Variants in LAMA3 observed in about 807,000 individuals in gnomAD.
LAMA3 encodes laminin subunit alpha-3.
A neutral mutation model predicts 402.0 loss-of-function variants in LAMA3; 281 were observed. The ratio of observed to expected loss-of-function variants is 0.70; its 90% CI spans 0.63 to 0.77. The LOEUF (loss-of-function observed/expected upper bound fraction) is 0.77, where lower values mean the gene tolerates loss of function less well. LAMA3 is among the 30% of genes least tolerant of loss of function. LAMA3 has a pLI of 0.00. For synonymous variants in LAMA3, 1,431 were observed against 1,558.4 expected, an observed-to-expected ratio of 0.92 and a Z score of 1.93; for missense variants, 3,840 against 4,215.5, an observed-to-expected ratio of 0.91 and a Z score of 2.47.
At chr18:23,811,669 A>G in intron 13 of LAMA3, among the ~76,000 whole-genome samples, 1 of 152,002 alleles carries the variant, frequency 6.6e-6, no homozygotes, top group Non-Finnish European at 1.5e-5. Context: ...TGGAAAACAA[A>G]CAGCTGGAAA....
At chr18:23,872,051 C>T (rs997940629) in intron 38 of LAMA3, among the ~76,000 whole-genome samples, 1 of 152,202 alleles carries the variant, frequency 6.6e-6, no homozygotes, top group African/African-American at 2.4e-5. Flanking sequence ...TGTGTCACAA[C>T]ATCACTATGG....
chr18:23,834,063 C>A, intron 24 of LAMA3, 75 bp downstream of exon 24: 3 of 1,533,084 alleles, frequency 2.0e-6, no homozygotes, highest in Middle Eastern at 1.7e-4. Flanking sequence ...TTGGCTGTTA[C>A]TTGCATTGGG....
At chr18:23,786,117 A>G (rs928109086) in intron 12 of LAMA3, among the ~76,000 whole-genome samples, 2 of 152,234 alleles carry the variant, frequency 1.3e-5, no homozygotes, top group African/African-American at 2.4e-5. Flanking sequence ...TCATAAGAGC[A>G]TATAGCAAAT....
chr18:23,731,487 T>C (rs149698863), intron 2 of LAMA3, among the ~76,000 whole-genome samples: 6 of 152,340 alleles, frequency 3.9e-5, no homozygotes, highest in African/African-American at 1.2e-4. Context: ...TTGTGGCAGA[T>C]AGACCTGCAC....
At chr18:23,866,808 T>A (rs1199144563) in intron 36 of LAMA3, among the ~76,000 whole-genome samples, 1 of 152,242 alleles carries the variant, frequency 6.6e-6, no homozygotes, top group African/African-American at 2.4e-5. Flanking sequence ...AGGGCATGTT[T>A]CTTAGATTAA....
At chr18:23,857,641 C>G (rs1272133736) in intron 32 of LAMA3, among the ~76,000 whole-genome samples, 2 of 152,248 alleles carry the variant, frequency 1.3e-5, no homozygotes, top group Non-Finnish European at 2.9e-5. Context: ...TCATCCATGA[C>G]CATCCACAAT....
intron 68 of LAMA3, among the ~76,000 whole-genome samples, chr18:23,939,671 CA>C (rs962496633): frequency 3.2e-4 from 49 of 152,160 alleles, no homozygotes; most frequent in African/African-American, 1.2e-3. Context: ...ATAAGGATGA[CA>C]TTTTTTTTCT....
At chr18:23,725,391 A>C (rs532683511) in intron 2 of LAMA3, among the ~76,000 whole-genome samples, 97 of 152,300 alleles carry the variant, frequency 6.4e-4, no homozygotes, top group Non-Finnish European at 9.4e-4. Flanking sequence ...GATTACAGGC[A>C]TGAGCCACCG....
intron 18 of LAMA3, 88 bp downstream of exon 18, chr18:23,816,575 A>G (rs371824161): frequency 4.6e-6 from 5 of 1,084,774 alleles, no homozygotes; most frequent in East Asian, 5.0e-5. Flanking sequence ...TGGAGAAGAG[A>G]GAAGCAGCCC....
chr18:23,751,046 C>G lies in LAMA3; in HGVS notation c.813C>G (p.His271Gln), dbSNP rs774726277. The G allele has an allele frequency of 3.1e-6, 5 of 1,614,116 alleles. No individual in the cohort carries two copies. In the African/African-American group the frequency reaches 5.3e-5, roughly 17 times the overall value. The change falls in exon 5 of 75, where the codon CAC becomes CAG. Residue 271 changes from histidine to glutamine, a missense_variant. By Grantham distance (24) the His-to-Gln change is conservative. This residue lies in a region of LAMA3 where 2,109 missense variants were observed against 2,376.0 expected (regional missense o/e 0.89). Coordinates refer to ENST00000313654, the MANE Select transcript of LAMA3 (RefSeq NM_198129.4). ...TTAGAACCAATACGCTTCTTGGACACCTCATCTCCAAAGCCCAGCGAGATC... is the reference window on the plus strand; with the variant it reads ...TTAGAACCAATACGCTTCTTGGACAGCTCATCTCCAAAGCCCAGCGAGATC... The part of the protein sequence containing the change: ...RFLRTNTLLG[H>Q]LISKAQRDPT...
At chr18:23,832,599 CTT>C (rs947584988) in intron 23 of LAMA3, among the ~76,000 whole-genome samples, 7 of 152,142 alleles carry the variant, frequency 4.6e-5, no homozygotes, top group African/African-American at 1.7e-4. Context: ...TGTGTACACA[CTT>C]TGACCCAGCA....
chr18:23,779,036 A>G (rs1165858263), intron 11 of LAMA3, among the ~76,000 whole-genome samples: 4 of 152,130 alleles, frequency 2.6e-5, no homozygotes, highest in African/African-American at 7.2e-5. Context: ...TCCCTGGGGC[A>G]GGGGCAGCCC....
At chr18:23,872,317 A>C (rs1197364146) in intron 38 of LAMA3, among the ~76,000 whole-genome samples, 1 of 152,212 alleles carries the variant, frequency 6.6e-6, no homozygotes, top group Non-Finnish European at 1.5e-5. Context: ...TTTGAGGTCC[A>C]GTCAACCAGA....
chr18:23,762,016 A>T (rs1022280421), intron 7 of LAMA3, among the ~76,000 whole-genome samples: 3 of 152,154 alleles, frequency 2.0e-5, no homozygotes, highest in Non-Finnish European at 4.4e-5. Flanking sequence ...CAGTAGTTGG[A>T]GATCAGCCTG....
rs1465267032 is a variant in LAMA3, at chr18:23,858,789, T to G, written c.4382T>G (p.Val1461Gly). ...TGTACCAGCTGTTTCTGTTTTGGAG[T>G]AAATAATCAATGTCACAGCTCACAT... ...KGCTSCFCFG[V>G]NNQCHSSHKR... Residue 1461 changes from valine to glycine, a missense_variant, in exon 34 of 75, where the codon GTA becomes GGA. Val to Gly is a moderately radical substitution (Grantham distance 109). This residue lies in a region of LAMA3 where 2,109 missense variants were observed against 2,376.0 expected (regional missense o/e 0.89). Coordinates refer to ENST00000313654, the MANE Select transcript of LAMA3 (RefSeq NM_198129.4). 1 of 1,613,978 alleles carries G rather than the reference T, an allele frequency of 6.2e-7. No homozygotes were observed. Among genetic ancestry groups the G allele is most frequent in the Non-Finnish European group, 8.5e-7 (1 of 1,179,984 alleles).
At chr18:23,696,388 T>C (rs867902798) in intron 1 of LAMA3, among the ~76,000 whole-genome samples, 28 of 152,250 alleles carry the variant, frequency 1.8e-4, no homozygotes, top group Admixed American at 7.2e-4. Context: ...TATTGAGTTC[T>C]CTTTCTTTTA....
chr18:23,695,921 G>A (rs1438684667), intron 1 of LAMA3, among the ~76,000 whole-genome samples: 4 of 150,730 alleles, frequency 2.7e-5, no homozygotes, highest in African/African-American at 4.9e-5. Flanking sequence ...GGGGTGGCCC[G>A]AGTTTGGGGG....
chr18:23,726,908 G>A (rs533461073), intron 2 of LAMA3, among the ~76,000 whole-genome samples: 32 of 152,218 alleles, frequency 2.1e-4, no homozygotes, highest in African/African-American at 7.2e-4. Context: ...GTGAGCTACC[G>A]TGCCCGGCCC....
Position 23,847,577 on chromosome 18 carries a change from C to T in LAMA3, c.4045C>T (p.Pro1349Ser), listed in dbSNP as rs773552469. 2.5e-6 allele frequency: 4 copies of T among 1,614,134 alleles called. No homozygotes were observed. The highest frequency in any genetic ancestry group is 1.1e-5 in the South Asian group (1 of 91,080). The stretch of plus-strand genomic sequence containing the variant: ...TGAGACACACTCATTCAGCTTCCAC[C>T]CCATGGCCGGCTGCGAAGGCTGCAA... ...VCETHSFSFH[P>S]MAGCEGCNCS... Residue 1349 changes from proline to serine, a missense_variant, in exon 32 of 75, where the codon CCC becomes TCC. Physicochemically the swap from Pro to Ser is moderately conservative, Grantham distance 74. Around this residue, in one of 3 missense-constraint regions of LAMA3, gnomAD observed 2,109 missense variants for 2,376.0 expected, o/e 0.89. Transcript: ENST00000313654.
Sources: gnomAD v4.1 joint callset for allele counts (sites outside exome capture counted in the v4.1 genomes callset) on GRCh38, gnomAD v4.1.1 for gene constraint, gnomAD v4.1.1 regional missense constraint, MANE v1.5 for transcripts, NCBI Gene and HGNC (gene_info 2026-07-23, HGNC 2026-07-21) for gene names.